Variants in UBASH3B observed in about 807,000 individuals in gnomAD.
UBASH3B encodes the protein ubiquitin associated and SH3 domain containing B, also known as ubiquitin-associated and SH3 domain-containing protein B.
Under a neutral mutation model 83.4 loss-of-function variants are expected in UBASH3B, and 37 were observed. The ratio of observed to expected loss-of-function variants is 0.44; its 90% CI spans 0.34 to 0.58. The LOEUF (loss-of-function observed/expected upper bound fraction) is 0.58. Among genes scored for constraint, UBASH3B ranks in the 20% least tolerant of loss-of-function variants. The pLI, the probability that UBASH3B is intolerant of heterozygous loss-of-function variation, is 0.01. For synonymous variants in UBASH3B, 304 were observed against 318.3 expected, an observed-to-expected ratio of 0.96 and a Z score of 0.48; for missense variants, 657 against 827.2, an observed-to-expected ratio of 0.79 and a Z score of 2.52.
Position 122,802,631 on chromosome 11 carries a change from A to C in UBASH3B, c.1595+1299A>C, listed in dbSNP as rs550982349. ...TCATTTTTTCTGTTCAGCAAATAAG[A>C]CCTCGGATAACCCCATTAACTAGTT... On this transcript the variant is annotated intron_variant, in intron 11 of 13. Transcript: ENST00000284273. Among the ~76,000 whole-genome samples the C allele has an allele frequency of 2.1e-3, 323 of 152,268 alleles. 3 individuals carry two copies. Among genetic ancestry groups the C allele is most frequent in the African/African-American group, 7.6e-3 (314 of 41,552 alleles).
chr11:122,673,509 A>G (rs1863627015), intron 1 of UBASH3B, among the ~76,000 whole-genome samples: 1 of 152,068 alleles, frequency 6.6e-6, no homozygotes, highest in South Asian at 2.1e-4. Flanking sequence ...AAAAATAAAA[A>G]TTAGCTAGGC....
At chr11:122,804,418 C>T (rs1861304530) in intron 11 of UBASH3B, among the ~76,000 whole-genome samples, 1 of 152,148 alleles carries the variant, frequency 6.6e-6, no homozygotes, top group African/African-American at 2.4e-5. Context: ...TTCCCCTGGA[C>T]AGTAAGCCGG....
At position 122,705,862 on chromosome 11, in the gene UBASH3B, C is replaced by T. The variant is rs554479067; in HGVS notation, c.161+49652C>T. Among the ~76,000 whole-genome samples, 4 of 152,274 alleles carry T rather than the reference C, an allele frequency of 2.6e-5. No homozygotes were observed. In the South Asian group the frequency reaches 8.3e-4, roughly 32 times the overall value. On this transcript the variant is annotated intron_variant, in intron 1 of 13. Transcript: ENST00000284273. Reference sequence around the variant, plus strand: ...GGACTTCGTTCCACCCTTGCTCTGACTAAATCAATCCGCAGCAGCTGATGC... The same window carrying T: ...GGACTTCGTTCCACCCTTGCTCTGATTAAATCAATCCGCAGCAGCTGATGC...
Position 122,794,759 on chromosome 11 carries a change from ATTG to A in UBASH3B, c.1039_1041del (p.Leu347del). Reference sequence around the variant, plus strand: ...ACTCTCTCACGTTTGGGGATGGAGTATTGGAGAGGCGGCCTTATGAGGACCAGG... The same window carrying A: ...ACTCTCTCACGTTTGGGGATGGAGTAGAGAGGCGGCCTTATGAGGACCAGG... On this transcript the variant is annotated inframe_deletion, in exon 7 of 14. Coordinates refer to ENST00000284273, the MANE Select transcript of UBASH3B (RefSeq NM_032873.5). The A allele has an allele frequency of 6.2e-7, 1 of 1,614,152 alleles. No homozygotes were observed. Among genetic ancestry groups the A allele is most frequent in the Non-Finnish European group, 8.5e-7 (1 of 1,180,014 alleles).
At chr11:122,797,275 G>C in intron 9 of UBASH3B, 1 of 410,278 alleles carries the variant, frequency 2.4e-6, no homozygotes. Flanking sequence ...GTAATGGCGT[G>C]GGTTACTGTG....
chr11:122,687,442 T>TGG (rs1194374879), intron 1 of UBASH3B, among the ~76,000 whole-genome samples: 2 of 152,082 alleles, frequency 1.3e-5, no homozygotes, highest in East Asian at 3.9e-4. Context: ...GGGCGTCCAG[T>TGG]GGGGAGGTTT....
At chr11:122,711,069 A>G (rs1864184712) in intron 1 of UBASH3B, among the ~76,000 whole-genome samples, 1 of 152,154 alleles carries the variant, frequency 6.6e-6, no homozygotes, top group African/African-American at 2.4e-5. Context: ...TGACTGTTGG[A>G]AACGAGATTC....
chr11:122,762,081 C>G (rs529814209), intron 1 of UBASH3B, among the ~76,000 whole-genome samples: 2 of 152,018 alleles, frequency 1.3e-5, no homozygotes, highest in Non-Finnish European at 2.9e-5. Context: ...CGTGAGCCAC[C>G]GCGCCTGGCC....
At chr11:122,718,291 A>G (rs1319406335) in intron 1 of UBASH3B, among the ~76,000 whole-genome samples, 1 of 152,222 alleles carries the variant, frequency 6.6e-6, no homozygotes, top group African/African-American at 2.4e-5. Flanking sequence ...TTTAAAATAC[A>G]TTTCGGATGA....
At chr11:122,779,449 T>C (rs756309654) in intron 3 of UBASH3B, 48 bp from the exon 4 acceptor site, 25 of 1,605,012 alleles carry the variant, frequency 1.6e-5, no homozygotes, top group Non-Finnish European at 2.0e-5. Context: ...GCAGCAGACT[T>C]CCATCTCCCC....
intron 1 of UBASH3B, among the ~76,000 whole-genome samples, chr11:122,669,709 T>G (rs1435178237): frequency 6.6e-6 from 1 of 152,218 alleles, no homozygotes; most frequent in Non-Finnish European, 1.5e-5. Flanking sequence ...AGACAATATT[T>G]TAAACACCTA....
At position 122,663,984 on chromosome 11, in the gene UBASH3B, A is replaced by C. The variant is rs188965642; in HGVS notation, c.161+7774A>C. ...CACCCTCAGAAATGAGGTCGGTATT[A>C]GTGCTACTCAAGTGGTGATGTTACT... On this transcript the variant is annotated intron_variant, in intron 1 of 13. Transcript: ENST00000284273. 5.1e-3 allele frequency among the ~76,000 whole-genome samples: 771 copies of C among 152,304 alleles called. 10 individuals carry two copies. The highest frequency in any genetic ancestry group is 7.5e-3 in the Non-Finnish European group (513 of 68,028).
chr11:122,665,240 C>T (rs1234931592), intron 1 of UBASH3B, among the ~76,000 whole-genome samples: 1 of 152,166 alleles, frequency 6.6e-6, no homozygotes, highest in Non-Finnish European at 1.5e-5. Flanking sequence ...TGCAATAACA[C>T]GATCCTAGCT....
intron 1 of UBASH3B, among the ~76,000 whole-genome samples, chr11:122,667,352 T>A (rs1467318893): frequency 2.0e-5 from 3 of 152,142 alleles, no homozygotes; most frequent in African/African-American, 7.2e-5. Context: ...AGTCCATTCT[T>A]TCTCTCTCTC....
chr11:122,675,151 T>G (rs1414216479), intron 1 of UBASH3B, among the ~76,000 whole-genome samples: 2 of 152,252 alleles, frequency 1.3e-5, no homozygotes, highest in East Asian at 3.8e-4. Context: ...AAACCTTTTA[T>G]TAGACCCGTG....
chr11:122,744,943 G>A (rs150729615), intron 1 of UBASH3B, among the ~76,000 whole-genome samples: 6 of 150,498 alleles, frequency 4.0e-5, no homozygotes, highest in East Asian at 4.0e-4. Flanking sequence ...CGCACAGCCC[G>A]GGGAAGGGCA....
At position 122,809,752 on chromosome 11, in the gene UBASH3B, C is replaced by T; in HGVS notation, c.1816C>T (p.Pro606Ser). The change falls in exon 14 of 14, where the codon CCA (proline) becomes TCA (serine). Residue 606 changes from proline to serine, a missense_variant. Physicochemically the swap from Pro to Ser is moderately conservative, Grantham distance 74. Transcript: ENST00000284273. ...KDFVQMVRKI[P>S]YLGFCSCEEL... Reference sequence around the variant, plus strand: ...TTCTTTACGACTCTTACTTCAGATCCCATATCTGGGATTTTGTTCCTGTGA... The same window carrying T: ...TTCTTTACGACTCTTACTTCAGATCTCATATCTGGGATTTTGTTCCTGTGA... 6.2e-7 allele frequency: 1 copy of T among 1,614,048 alleles called. No homozygotes were observed. Among genetic ancestry groups the T allele is most frequent in the Non-Finnish European group, 8.5e-7 (1 of 1,180,004 alleles).
intron 1 of UBASH3B, among the ~76,000 whole-genome samples, chr11:122,734,901 G>C (rs7105044): frequency 0.097 from 14,673 of 151,488 alleles, 2,166 homozygotes; most frequent in African/African-American, 0.31. Flanking sequence ...TCTTTTCTAG[G>C]TCACCATTGC....
rs1013820840 is a variant in UBASH3B, at chr11:122,676,232, G to A, written c.161+20022G>A. 4.0e-5 allele frequency among the ~76,000 whole-genome samples: 6 copies of A among 151,534 alleles called. No homozygotes were observed. In the East Asian group the frequency reaches 9.9e-4, roughly 25 times the overall value. On this transcript the variant is annotated intron_variant, in intron 1 of 13. Transcript: ENST00000284273. The stretch of plus-strand genomic sequence containing the variant: ...AGCCTGGGCAACAAGGAGAAACCCC[G>A]TCTTTACTAAAAAAATACAACAACT...
Sources: gnomAD v4.1 joint callset for allele counts (sites outside exome capture counted in the v4.1 genomes callset) on GRCh38, gnomAD v4.1.1 for gene constraint, MANE v1.5 for transcripts, NCBI Gene and HGNC (gene_info 2026-07-23, HGNC 2026-07-21) for gene names.